Variants in NEO1 observed in about 807,000 individuals in gnomAD.
NEO1 encodes neogenin 1.
NEO1 carries 63 observed loss-of-function variants against 159.7 expected under a neutral mutation model. The ratio of observed to expected loss-of-function variants is 0.39; its 90% CI spans 0.32 to 0.49. The LOEUF (loss-of-function observed/expected upper bound fraction) is 0.49. Ranked by LOEUF, NEO1 falls within the 20% of genes least tolerant of loss-of-function variation. The pLI is 0.85. For missense variants in NEO1, 1,615 were observed against 1,831.0 expected (o/e 0.88, Z 2.15); for synonymous variants, 633 against 662.0 (o/e 0.96, Z 0.67).
intron 5 of NEO1, among the ~76,000 whole-genome samples, chr15:73,149,494 G>C (rs1173562041): frequency 6.6e-6 from 1 of 152,172 alleles, no homozygotes; most frequent in Admixed American, 6.5e-5. Flanking sequence ...ATACAGAGAA[G>C]TAGTTAGACA....
chr15:73,066,004 T>A (rs557375315), intron 1 of NEO1, among the ~76,000 whole-genome samples: 1 of 151,836 alleles, frequency 6.6e-6, no homozygotes, highest in East Asian at 1.9e-4. Flanking sequence ...TTTTCAGTTC[T>A]GTAATTTCTT....
intron 11 of NEO1, among the ~76,000 whole-genome samples, chr15:73,251,203 C>T (rs1028778033): frequency 6.6e-6 from 1 of 152,092 alleles, no homozygotes; most frequent in East Asian, 1.9e-4. Context: ...ATGGGCTTGA[C>T]AGTTTTCAGG....
intron 26 of NEO1, among the ~76,000 whole-genome samples, chr15:73,295,132 ATATATATATATG>A (rs1341659368): frequency 1.4e-5 from 2 of 141,450 alleles, no homozygotes; most frequent in Non-Finnish European, 3.1e-5. Context: ...TTAAATATAT[ATATATATATATG>A]TAAAAATTTG....
chr15:73,249,660 C>T lies in NEO1; in HGVS notation c.1833C>T (p.Ala611=). ...KYTEYSFRVV[A]YNKHGPGVST... ...CAGAGTATAGTTTCCGAGTGGTGGC[C>T]TACAATAAACATGGTCCTGGAGTTT... Residue 611 remains alanine (A), a synonymous_variant, in exon 11 of 29, where the codon GCC becomes GCT. Coordinates refer to ENST00000261908, the MANE Select transcript of NEO1 (RefSeq NM_002499.4). 8 of 1,613,770 alleles carry T rather than the reference C, an allele frequency of 5.0e-6. No homozygotes were observed. Among genetic ancestry groups the T allele is most frequent in the Non-Finnish European group, 6.8e-6 (8 of 1,179,912 alleles).
intron 23 of NEO1, among the ~76,000 whole-genome samples, chr15:73,286,159 A>G (rs1233640410): frequency 7.4e-6 from 1 of 135,456 alleles, no homozygotes; most frequent in Middle Eastern, 4.9e-3. Context: ...ACTTGCTTAT[A>G]CTCTTATGTC....
At chr15:73,242,039 A>G (rs1014684077) in intron 8 of NEO1, among the ~76,000 whole-genome samples, 5 of 152,192 alleles carry the variant, frequency 3.3e-5, no homozygotes, top group Admixed American at 2.0e-4. Flanking sequence ...GCATTCTGCT[A>G]CGTGCTTCTG....
rs1201261219 is a variant in NEO1, at chr15:73,304,930, T to C, written c.*2234T>C. 1 of 152,206 alleles carries C rather than the reference T, an allele frequency of 6.6e-6. No individual in the cohort carries two copies. Among genetic ancestry groups the C allele is most frequent in the Admixed American group, 6.5e-5 (1 of 15,284 alleles). The allele number at this position is 152,206 out of a possible 1,614,324, so 9.4% of individuals were successfully genotyped here. Reference sequence around the variant, plus strand: ...CTTTTCACAATTTAATACATTTTCTTACATTTTCCTGTGATTTTCGAAACT... The same window carrying C: ...CTTTTCACAATTTAATACATTTTCTCACATTTTCCTGTGATTTTCGAAACT... On this transcript the variant is annotated 3_prime_UTR_variant, in exon 29 of 29. Coordinates refer to ENST00000261908, the MANE Select transcript of NEO1 (RefSeq NM_002499.4).
At position 73,154,692 on chromosome 15, in the gene NEO1, G is replaced by C. The variant is rs982111113; in HGVS notation, c.1015+18665G>C. On this transcript the variant is annotated intron_variant, in intron 5 of 28. Transcript: ENST00000261908. The stretch of plus-strand genomic sequence containing the variant: ...GTCCTGCTCACTTTCAGTTTCTCTT[G>C]GTGTGAAATATCTTTTTCCACCCTT... 3.9e-5 allele frequency among the ~76,000 whole-genome samples: 6 copies of C among 152,140 alleles called. No homozygotes were observed. In the South Asian group the frequency reaches 6.2e-4, roughly 16 times the overall value.
intron 7 of NEO1, among the ~76,000 whole-genome samples, chr15:73,184,636 T>C (rs191209682): frequency 2.6e-5 from 4 of 152,250 alleles, no homozygotes; most frequent in South Asian, 2.1e-4. Flanking sequence ...CAAAAAGAAA[T>C]GACCTACCAG....
chr15:73,279,345 GTTTTGGT>G (rs963507734), intron 22 of NEO1, among the ~76,000 whole-genome samples: 4 of 77,848 alleles, frequency 5.1e-5, no homozygotes, highest in East Asian at 3.1e-4. Context: ...TGTTGTTTTG[GTTTTGGT>G]TTTTTTTTTT....
chr15:73,068,374 G>C (rs144222605), intron 1 of NEO1, among the ~76,000 whole-genome samples: 168 of 151,784 alleles, frequency 1.1e-3, no homozygotes, highest in Non-Finnish European at 1.9e-3. Flanking sequence ...ACCACACCTG[G>C]CTAATTTTTG....
intron 1 of NEO1, among the ~76,000 whole-genome samples, chr15:73,109,421 A>G (rs2070853650): frequency 6.6e-6 from 1 of 152,194 alleles, no homozygotes; most frequent in Non-Finnish European, 1.5e-5. Context: ...CTAGGATTCA[A>G]AAATATGTCT....
intron 27 of NEO1, among the ~76,000 whole-genome samples, chr15:73,300,803 C>G (rs904178639): frequency 2.0e-5 from 3 of 152,234 alleles, no homozygotes; most frequent in African/African-American, 7.2e-5. Context: ...TTGTCACATA[C>G]AGTAAGGTCA....
chr15:73,265,472 C>T lies in NEO1; in HGVS notation c.2399-844C>T, dbSNP rs181045879. On this transcript the variant is annotated intron_variant, in intron 15 of 28. Transcript: ENST00000261908. ...TAATTGATGACACATACATGCTAAT[C>T]AAAGCTAAGGAAATGAATGAAAGTG... Among the ~76,000 whole-genome samples, 7 of 152,252 alleles carry T rather than the reference C, an allele frequency of 4.6e-5. No homozygotes were observed. In the East Asian group the frequency reaches 1.2e-3, roughly 25 times the overall value.
At chr15:73,136,876 G>A (rs1298876675) in intron 5 of NEO1, among the ~76,000 whole-genome samples, 3 of 152,068 alleles carry the variant, frequency 2.0e-5, no homozygotes, top group African/African-American at 7.2e-5. Flanking sequence ...CAGATTGGTA[G>A]CTTTCAACCT....
rs1304861110 is a variant in NEO1 at position 73,249,531 on chromosome 15, A to G, written c.1756-52A>G. 2.6e-6 allele frequency: 4 copies of G among 1,515,018 alleles called. No individual in the cohort carries two copies. The African/African-American group carries it at 5.6e-5, about 21-fold the overall frequency. 93.8% of individuals were successfully genotyped at this position (1,515,018 alleles called of 1,614,324 possible). A position where few individuals can be genotyped will look rare whatever the true frequency, so the allele number is the denominator to read the frequency against. On this transcript the variant is annotated intron_variant, in intron 10 of 28. Transcript: ENST00000261908. ...TGTGTAGCTAATTCTTTAATTTTCA[A>G]CTTTTCTTTTGGCTTGAGTGCATAT...
rs751967941 is a variant in NEO1 at position 73,236,436 on chromosome 15, A to G, written c.1381A>G (p.Thr461Ala). The change falls in exon 8 of 29, where the codon ACA becomes GCA. Residue 461 changes from threonine to alanine, a missense_variant. Coordinates refer to ENST00000261908, the MANE Select transcript of NEO1 (RefSeq NM_002499.4). Reference protein sequence around the residue: ...STRFIKLTWRTPASDPHGDNL... With the variant: ...STRFIKLTWRAPASDPHGDNL... Reference sequence around the variant, plus strand: ...CCGCTTCATCAAATTGACGTGGCGGACACCTGCATCAGATCCTCACGGAGA... The same window carrying G: ...CCGCTTCATCAAATTGACGTGGCGGGCACCTGCATCAGATCCTCACGGAGA... 153 of 1,613,986 alleles carry G rather than the reference A, an allele frequency of 9.5e-5. No homozygotes were observed. Among genetic ancestry groups the G allele is most frequent in the Non-Finnish European group, 1.3e-4 (151 of 1,180,000 alleles).
chr15:73,289,169 T>C lies in NEO1; in HGVS notation c.3673T>C (p.Ser1225Pro), dbSNP rs1360026755. The C allele has an allele frequency of 6.2e-7, 1 of 1,614,134 alleles. No homozygotes were observed. The highest frequency in any genetic ancestry group is 1.1e-5 in the South Asian group (1 of 91,068). ...AGGGCATGAGTCAGAGGACAGCATG[T>C]CTACACTGGCTGGAAGGCGAGGAAT... ...YRGHESEDSM[S>P]TLAGRRGMRP... is the part of the protein sequence containing the mutation. The change falls in exon 25 of 29, where the codon TCT becomes CCT. Residue 1225 changes from serine (S) to proline (P), a missense_variant. Ser to Pro is a moderately conservative substitution (Grantham distance 74, BLOSUM62 -1). Around this residue, in one of 3 missense-constraint regions of NEO1, gnomAD observed 471 missense variants for 498.9 expected, o/e 0.94. Transcript: ENST00000261908.
rs1447591823 is a variant in NEO1, at chr15:73,053,948, C to T, written c.130+1143C>T. On this transcript the variant is annotated intron_variant, in intron 1 of 28. Transcript: ENST00000261908. ...GACTGATAAACTTTTCATTTCCTTG[C>T]AGAGTGTGTATGTAGCTCATGGCTT... 2.0e-5 allele frequency among the ~76,000 whole-genome samples: 3 copies of T among 152,330 alleles called. No individual in the cohort carries two copies. The East Asian group carries it at 5.8e-4, about 29-fold the overall frequency.
Sources: allele counts gnomAD v4.1 joint callset (sites outside exome capture counted in the v4.1 genomes callset), GRCh38; gene constraint gnomAD v4.1.1; regional missense constraint gnomAD v4.1.1; transcripts MANE v1.5; gene names NCBI Gene and HGNC (gene_info 2026-07-23, HGNC 2026-07-21).